NTRK3: variants seen among roughly 807,000 people sequenced by gnomAD.
The protein encoded by NTRK3 is NT-3 growth factor receptor.
NTRK3 carries 24 observed loss-of-function variants against 91.7 expected under a neutral mutation model. That is an observed-to-expected ratio of 0.26 (90% CI 0.19 to 0.37). NTRK3 has a LOEUF of 0.37. Among genes scored for constraint, NTRK3 ranks in the 10% least tolerant of loss-of-function variants. NTRK3 has a pLI of 1.00. For synonymous variants in NTRK3, 483 were observed against 404.0 expected, an observed-to-expected ratio of 1.20 and a Z score of -2.34; for missense variants, 880 against 1,068.9, an observed-to-expected ratio of 0.82 and a Z score of 2.46.
intron 6 of NTRK3, among the ~76,000 whole-genome samples, chr15:88,140,140 A>T (rs1228792359): frequency 6.6e-6 from 1 of 152,184 alleles, no homozygotes; most frequent in Non-Finnish European, 1.5e-5. Context: ...GAGGCAGGGA[A>T]AACCATTGAG....
intron 15 of NTRK3, among the ~76,000 whole-genome samples, chr15:87,937,053 C>A (rs555934020): frequency 6.6e-6 from 1 of 152,198 alleles, no homozygotes; most frequent in Non-Finnish European, 1.5e-5. Flanking sequence ...GCCCCAGGGC[C>A]TTTGCTCCTC....
chr15:87,929,954 G>A (rs981487259), intron 16 of NTRK3, among the ~76,000 whole-genome samples: 3 of 152,208 alleles, frequency 2.0e-5, no homozygotes, highest in Admixed American at 2.0e-4. Flanking sequence ...ACATGTGACT[G>A]TAAAAAGTGA....
At chr15:87,927,448 T>G (rs1024481735) in intron 17 of NTRK3, 1 of 152,214 alleles carries the variant, frequency 6.6e-6, no homozygotes, top group African/African-American at 2.4e-5. Flanking sequence ...TGGTCCACTA[T>G]GCTCAGGTCA....
chr15:88,239,636 G>A lies in NTRK3; in HGVS notation c.248+16270C>T, dbSNP rs549271761. On this transcript the variant is annotated intron_variant, in intron 3 of 18. Transcript: ENST00000394480. The stretch of plus-strand genomic sequence containing the variant: ...GGAGAGAACCAGGCACCACATCAGG[G>A]GTGCAGAGAGAAGAGGGGAGAGAGA... 9.9e-5 allele frequency among the ~76,000 whole-genome samples: 15 copies of A among 152,240 alleles called. No homozygotes were observed. In the South Asian group the frequency reaches 3.1e-3, roughly 32 times the overall value.
chr15:87,879,282 C>G (rs2065110294), intron 18 of NTRK3, among the ~76,000 whole-genome samples: 1 of 152,072 alleles, frequency 6.6e-6, no homozygotes, highest in Non-Finnish European at 1.5e-5. Context: ...TACATTTTCC[C>G]AGCAAACAGA....
At chr15:88,195,220 T>G (rs1037105122) in intron 3 of NTRK3, among the ~76,000 whole-genome samples, 4 of 152,116 alleles carry the variant, frequency 2.6e-5, no homozygotes, top group Non-Finnish European at 5.9e-5. Context: ...GGTTGAGAAA[T>G]GATGCTCTAG....
At chr15:88,078,006 C>A (rs1168561166) in intron 13 of NTRK3, among the ~76,000 whole-genome samples, 1 of 152,192 alleles carries the variant, frequency 6.6e-6, no homozygotes, top group African/African-American at 2.4e-5. Context: ...GCCAGCAGCT[C>A]CCATTGGTTT....
At chr15:88,144,998 C>T (rs542686673) in intron 6 of NTRK3, among the ~76,000 whole-genome samples, 7 of 152,152 alleles carry the variant, frequency 4.6e-5, no homozygotes, top group Non-Finnish European at 1.0e-4. Flanking sequence ...CTGTGGCTTT[C>T]CTGGCTCCAC....
intron 14 of NTRK3, among the ~76,000 whole-genome samples, chr15:88,010,973 C>T (rs865886126): frequency 2.0e-5 from 3 of 152,126 alleles, no homozygotes; most frequent in South Asian, 2.1e-4. Context: ...AGGGTTTTGC[C>T]GTCACACCAC....
At chr15:87,981,392 T>A (rs768248953) in intron 14 of NTRK3, 2 of 1,613,838 alleles carry the variant, frequency 1.2e-6, no homozygotes, top group African/African-American at 2.7e-5. Flanking sequence ...GGGGAATTAA[T>A]GGTCAGTATT....
chr15:87,875,099 T>C (rs1307360653), exon 19 of NTRK3: 1 of 229,808 alleles, frequency 4.4e-6, no homozygotes, highest in Non-Finnish European at 8.6e-6. Context: ...AAACCCCACA[T>C]AGGGAGGCCC....
At chr15:87,932,903 C>A in intron 16 of NTRK3, 109 bp downstream of exon 16, 1 of 1,104,308 alleles carries the variant, frequency 9.1e-7, no homozygotes, top group Non-Finnish European at 1.4e-6. Flanking sequence ...AATTTCTCAT[C>A]CTGAGAGGAA....
chr15:88,179,461 T>C (rs903922952), intron 5 of NTRK3, among the ~76,000 whole-genome samples: 1 of 152,192 alleles, frequency 6.6e-6, no homozygotes, highest in Non-Finnish European at 1.5e-5. Context: ...AGGATGGTTA[T>C]GAGAATTCAA....
chr15:88,127,452 G>C (rs1311471637), intron 11 of NTRK3, among the ~76,000 whole-genome samples: 1 of 152,070 alleles, frequency 6.6e-6, no homozygotes, highest in Non-Finnish European at 1.5e-5. Flanking sequence ...TCAAGCACAG[G>C]CTCCATAGGA....
chr15:88,213,900 T>C (rs2141462815), intron 3 of NTRK3, among the ~76,000 whole-genome samples: 1 of 150,712 alleles, frequency 6.6e-6, no homozygotes, highest in Non-Finnish European at 1.5e-5. Flanking sequence ...ACAAACATTG[T>C]GAAACCCCGT....
chr15:88,037,459 G>A (rs1430356983), intron 13 of NTRK3, among the ~76,000 whole-genome samples: 2 of 152,152 alleles, frequency 1.3e-5, no homozygotes, highest in African/African-American at 4.8e-5. Context: ...CTACTAGAGA[G>A]GCTGAGGCAG....
At chr15:87,865,549 T>C (rs2141385625) in exon 19 of NTRK3, 1 of 217,268 alleles carries the variant, frequency 4.6e-6, no homozygotes, top group African/African-American at 2.2e-5. Flanking sequence ...CAAATGCTGG[T>C]CCTGGCATGA....
chr15:88,053,655 A>G (rs2045429793), intron 13 of NTRK3, among the ~76,000 whole-genome samples: 1 of 152,210 alleles, frequency 6.6e-6, no homozygotes, highest in Non-Finnish European at 1.5e-5. Flanking sequence ...CATATCAATA[A>G]TAGGGAAAAT....
At chr15:87,875,630 T>C (rs890520548) in exon 19 of NTRK3, 1 of 232,666 alleles carries the variant, frequency 4.3e-6, no homozygotes, top group African/African-American at 2.2e-5. Context: ...GATGCATCAA[T>C]CCTCCCAGGG....
Sources: gnomAD v4.1 joint callset for allele counts (sites outside exome capture counted in the v4.1 genomes callset) on GRCh38, gnomAD v4.1.1 for gene constraint, MANE v1.5 for transcripts, NCBI Gene and HGNC (gene_info 2026-07-23, HGNC 2026-07-21) for gene names.